The following GRIN2A variants were observed in gnomAD, a reference collection of about 807,000 sequenced individuals.
The protein encoded by GRIN2A is glutamate receptor ionotropic, NMDA 2A.
A neutral mutation model predicts 113.4 loss-of-function variants in GRIN2A; 22 were observed. That is an observed-to-expected ratio of 0.19 (90% confidence interval 0.14 to 0.28). The LOEUF (loss-of-function observed/expected upper bound fraction) is 0.28. GRIN2A is among the 10% of genes least tolerant of loss of function. The probability of loss-of-function intolerance (pLI) is 1.00; values close to 1 mark genes in which losing one functional copy is unlikely to be tolerated. For synonymous variants in GRIN2A, 827 were observed against 738.4 expected (o/e 1.12, Z -1.94); for missense variants, 1,502 against 1,887.0 (o/e 0.80, Z 3.78).
chr16:9,768,724 G>A, intron 12 of GRIN2A, 127 bp downstream of exon 12: 1 of 778,256 alleles, frequency 1.3e-6, no homozygotes, highest in East Asian at 2.4e-5. Context: ...AAATCTGGAT[G>A]CTCTTGTGAC....
chr16:9,808,388 G>C (rs559304985), intron 10 of GRIN2A, among the ~76,000 whole-genome samples: 1 of 152,320 alleles, frequency 6.6e-6, no homozygotes, highest in African/African-American at 2.4e-5. Context: ...CCATCATACT[G>C]TTAGTAGTGA....
chr16:9,870,322 A>T (rs567250646), intron 4 of GRIN2A, among the ~76,000 whole-genome samples: 3 of 152,322 alleles, frequency 2.0e-5, no homozygotes, highest in African/African-American at 7.2e-5. Context: ...CCTTATGCAT[A>T]CACTTGCTAG....
intron 2 of GRIN2A, among the ~76,000 whole-genome samples, chr16:10,032,463 C>A (rs576782868): frequency 3.3e-5 from 5 of 152,206 alleles, no homozygotes; most frequent in Admixed American, 6.5e-5. Context: ...CTTTTAGCGC[C>A]TTTTGCATTA....
chr16:9,920,759 T>A (rs1051703934), intron 3 of GRIN2A, among the ~76,000 whole-genome samples: 1 of 151,918 alleles, frequency 6.6e-6, no homozygotes, highest in African/African-American at 2.4e-5. Flanking sequence ...GTAGATGGGG[T>A]TTCACCATGT....
At chr16:10,132,676 G>C (rs770063118) in intron 2 of GRIN2A, among the ~76,000 whole-genome samples, 1 of 152,094 alleles carries the variant, frequency 6.6e-6, no homozygotes, top group Admixed American at 6.5e-5. Context: ...TCATTGCCTC[G>C]GTTTCCACAA....
intron 3 of GRIN2A, among the ~76,000 whole-genome samples, chr16:9,932,662 T>C (rs1416702419): frequency 2.0e-5 from 3 of 152,066 alleles, no homozygotes; most frequent in African/African-American, 7.2e-5. Flanking sequence ...GGATTACAAG[T>C]ATGAGCCACC....
intron 10 of GRIN2A, among the ~76,000 whole-genome samples, chr16:9,810,088 A>G (rs2042057901): frequency 6.6e-6 from 1 of 152,136 alleles, no homozygotes; most frequent in Admixed American, 6.5e-5. Context: ...ACTTCCTGGC[A>G]TGGAGTGAGG....
intron 2 of GRIN2A, among the ~76,000 whole-genome samples, chr16:10,075,512 A>G (rs2047853830): frequency 6.6e-6 from 1 of 152,252 alleles, no homozygotes; most frequent in Non-Finnish European, 1.5e-5. Context: ...AGTTCTGGAG[A>G]TGGATACTGA....
intron 2 of GRIN2A, among the ~76,000 whole-genome samples, chr16:10,076,457 C>T (rs978042599): frequency 1.3e-5 from 2 of 152,142 alleles, no homozygotes; most frequent in Non-Finnish European, 2.9e-5. Context: ...TTAGGGTCTG[C>T]CATGAACTCT....
In GRIN2A at chr16:9,841,113, A is replaced by C. The variant is rs541442732; in HGVS notation, c.1329-9T>G. On this transcript the variant is annotated splice_polypyrimidine_tract_variant and intron_variant, in intron 5 of 12. Transcript: ENST00000330684. ...CCTCATTGGTTGAATTGCTGTAAAG[A>C]AAAACCCCAAGACCACAGAATGTTA... The C allele has an allele frequency of 1.5e-4, 238 of 1,610,212 alleles. 4 individuals carry two copies. In the South Asian group the frequency reaches 2.2e-3, roughly 15 times the overall value.
intron 2 of GRIN2A, among the ~76,000 whole-genome samples, chr16:9,940,907 A>C (rs1196321310): frequency 6.6e-6 from 1 of 152,226 alleles, no homozygotes; most frequent in Non-Finnish European, 1.5e-5. Context: ...CACCAACAGA[A>C]GACAACACAG....
In GRIN2A at chr16:9,971,006, T is replaced by TG. The variant is rs370692927; in HGVS notation, c.415-32456dup. 4.6e-3 allele frequency among the ~76,000 whole-genome samples: 701 copies of TG among 152,132 alleles called. 6 individuals are homozygous for TG. Among genetic ancestry groups the TG allele is most frequent in the African/African-American group, 0.016 (656 of 41,508 alleles). On this transcript the variant is annotated intron_variant, in intron 2 of 12. Transcript: ENST00000330684. ...TAGATAGTCATTTGAGAGGCAAGAC[T>TG]GGGGGGAAGGGGAGAGGCTAGAAGG...
chr16:9,943,948 T>A (rs1429745769), intron 2 of GRIN2A, among the ~76,000 whole-genome samples: 1 of 152,306 alleles, frequency 6.6e-6, no homozygotes, highest in East Asian at 1.9e-4. Context: ...AAGTAGGTAT[T>A]CAAGTTAGTA....
intron 3 of GRIN2A, among the ~76,000 whole-genome samples, chr16:9,901,819 G>A (rs551089881): frequency 6.6e-6 from 1 of 152,268 alleles, no homozygotes; most frequent in East Asian, 1.9e-4. Flanking sequence ...TAAGATATTT[G>A]CTCATCCATG....
At chr16:9,840,882 G>C in intron 6 of GRIN2A, 54 bp downstream of exon 6, 1 of 1,604,816 alleles carries the variant, frequency 6.2e-7, no homozygotes, top group Non-Finnish European at 8.5e-7. Flanking sequence ...ACATTCCTGA[G>C]GACTGCAGGC....
At chr16:10,125,407 G>A (rs1226279221) in intron 2 of GRIN2A, among the ~76,000 whole-genome samples, 1 of 152,128 alleles carries the variant, frequency 6.6e-6, no homozygotes, top group Non-Finnish European at 1.5e-5. Context: ...CCCTTGTTAG[G>A]AGAAGTCGAG....
intron 2 of GRIN2A, among the ~76,000 whole-genome samples, chr16:10,109,025 A>C (rs1020279387): frequency 6.0e-5 from 9 of 150,112 alleles, no homozygotes; most frequent in South Asian, 2.1e-4. Flanking sequence ...AAAAAAAAAA[A>C]AAAAAAAAAA....
Position 9,756,749 on chromosome 16 carries a change from C to G in GRIN2A, c.*6400G>C, listed in dbSNP as rs959303787. On this transcript the variant is annotated 3_prime_UTR_variant, in exon 13 of 13. Transcript: ENST00000330684. The stretch of plus-strand genomic sequence containing the variant: ...GATATTTTCAAATTCAGGTGCAGAT[C>G]CATGGCAAGTACTTGCGATAAGCAG... 3.3e-5 allele frequency: 6 copies of G among 183,428 alleles called. No homozygotes were observed. The highest frequency in any genetic ancestry group is 2.5e-4 in the Admixed American group (4 of 16,000). The allele number at this position is 183,428 out of a possible 1,614,324, so 11.4% of individuals were successfully genotyped here. A position where few individuals can be genotyped will look rare whatever the true frequency, so the allele number is the denominator to read the frequency against.
intron 12 of GRIN2A, among the ~76,000 whole-genome samples, chr16:9,767,097 G>C (rs1236764935): frequency 6.6e-6 from 1 of 152,198 alleles, no homozygotes; most frequent in Non-Finnish European, 1.5e-5. Flanking sequence ...AAAAGCCTTT[G>C]GTAATTGGCT....
Sources: allele counts gnomAD v4.1 joint callset (sites outside exome capture counted in the v4.1 genomes callset), GRCh38; gene constraint gnomAD v4.1.1; transcripts MANE v1.5; gene names NCBI Gene and HGNC (gene_info 2026-07-23, HGNC 2026-07-21).